BUB1: variants seen among roughly 807,000 people sequenced by gnomAD.
BUB1 encodes the protein BUB1 mitotic checkpoint serine/threonine kinase.
Under a neutral mutation model 135.2 loss-of-function variants are expected in BUB1, and 84 were observed. The ratio of observed to expected loss-of-function variants is 0.62; its 90% CI spans 0.52 to 0.74. The LOEUF is 0.74. BUB1 is among the 30% of genes least tolerant of loss of function. The pLI is 0.00. For synonymous variants in BUB1, 403 were observed against 434.4 expected (o/e 0.93, Z 0.90); for missense variants, 1,162 against 1,288.3 (o/e 0.90, Z 1.50).
At position 110,650,730 on chromosome 2, in the gene BUB1, T is replaced by C. The variant is rs1486290439; in HGVS notation, c.2019A>G (p.Ala673=). 6.2e-7 allele frequency: 1 copy of C among 1,614,022 alleles called. No homozygotes were observed. Among genetic ancestry groups the C allele is most frequent in the South Asian group, 1.1e-5 (1 of 91,080 alleles). The change falls in exon 18 of 25, where the codon GCA becomes GCG. Residue 673 remains alanine, a synonymous_variant. Transcript: ENST00000302759. ...KQALSSHMYS[A]SLLRLSQPAA... ...CAGGCTGGCTCAGACGAAGTAAGGA[T>C]GCTGAATACATGTGAGACGACAAGG...
chr2:110,661,858 A>G lies in BUB1; in HGVS notation c.958-17T>C, dbSNP rs372481313. 382 of 1,609,292 alleles carry G rather than the reference A, an allele frequency of 2.4e-4. No individual in the cohort carries two copies. Among genetic ancestry groups the G allele is most frequent in the Non-Finnish European group, 3.2e-4 (373 of 1,177,490 alleles). On this transcript the variant is annotated splice_polypyrimidine_tract_variant and intron_variant, in intron 9 of 24. Transcript: ENST00000302759. ...TGGATTAACCTTTCATATTAAACAA[A>G]CAAACAACAAAAACAAAACCATGAA... is the stretch of plus-strand genomic sequence containing the variant.
intron 6 of BUB1, among the ~76,000 whole-genome samples, chr2:110,668,826 T>G (rs959902651): frequency 3.3e-5 from 5 of 152,216 alleles, no homozygotes; most frequent in African/African-American, 1.2e-4. Flanking sequence ...GCATCTGCTA[T>G]CTGTTGAAAT....
At position 110,641,059 on chromosome 2, in the gene BUB1, A is replaced by G; in HGVS notation, c.2930T>C (p.Leu977Pro). The change falls in exon 23 of 25, where the codon CTC becomes CCC. Residue 977 changes from leucine to proline, a missense_variant. By Grantham distance (98) the Leu-to-Pro change is moderately conservative (BLOSUM62 -3). Transcript: ENST00000302759. The stretch of plus-strand genomic sequence containing the variant: ...CTGGTAGTTCCATGGTTTGTTGCTG[A>G]GCATCTCAACACACTGAAAACCAGA... ...ETSGFQCVEM[L>P]SNKPWNYQID... is the part of the protein sequence containing the mutation. The G allele has an allele frequency of 6.3e-7, 1 of 1,593,350 alleles. No homozygotes were observed. Among genetic ancestry groups the G allele is most frequent in the Non-Finnish European group, 8.5e-7 (1 of 1,172,436 alleles).
At chr2:110,658,163 C>T (rs1173363179) in intron 13 of BUB1, among the ~76,000 whole-genome samples, 3 of 152,094 alleles carry the variant, frequency 2.0e-5, no homozygotes, top group Non-Finnish European at 4.4e-5. Context: ...AGTACTCAGC[C>T]CTTCTTATCC....
chr2:110,659,850 A>C, intron 11 of BUB1, 128 bp downstream of exon 11: 1 of 579,734 alleles, frequency 1.7e-6, no homozygotes, highest in East Asian at 3.3e-5. Context: ...CCTATACTCT[A>C]AGAATAGGAA....
At chr2:110,665,618 T>C (rs909226162) in intron 9 of BUB1, among the ~76,000 whole-genome samples, 1 of 151,422 alleles carries the variant, frequency 6.6e-6, no homozygotes, top group Non-Finnish European at 1.5e-5. Flanking sequence ...CATACATACA[T>C]ACATATATAC....
Position 110,657,449 on chromosome 2 carries a change from T to C in BUB1, c.1616+97A>G, listed in dbSNP as rs1689962752. The stretch of plus-strand genomic sequence containing the variant: ...TGTGGTCAAAAGGCTCATTTGACCA[T>C]GTGATTGGCAGTTCACATTCTCTCC... On this transcript the variant is annotated intron_variant, in intron 14 of 24. Coordinates refer to ENST00000302759, the MANE Select transcript of BUB1 (RefSeq NM_004336.5). 8 of 849,202 alleles carry C rather than the reference T, an allele frequency of 9.4e-6. No individual in the cohort carries two copies. The East Asian group carries it at 2.3e-4, about 24-fold the overall frequency. The allele number at this position is 849,202 out of a possible 1,614,324, so 52.6% of individuals were successfully genotyped here.
In BUB1 at chr2:110,637,703, G is replaced by C. The variant is rs1478814016; in HGVS notation, c.*261C>G. 1 of 279,280 alleles carries C rather than the reference G, an allele frequency of 3.6e-6. No individual in the cohort carries two copies. The highest frequency in any genetic ancestry group is 6.6e-6 in the Non-Finnish European group (1 of 152,180). 17.3% of individuals were successfully genotyped at this position (279,280 alleles called of 1,614,324 possible). A position where few individuals can be genotyped will look rare whatever the true frequency, so the allele number is the denominator to read the frequency against. ...TTAAACAGGTCAGTGTTTAAAAAGT[G>C]ATTTCTAGAGAATGCTCATGTCTGA... is the stretch of plus-strand genomic sequence containing the variant. On this transcript the variant is annotated 3_prime_UTR_variant, in exon 25 of 25. Coordinates refer to ENST00000302759, the MANE Select transcript of BUB1 (RefSeq NM_004336.5).
chr2:110,657,677 T>C (rs753998925), intron 13 of BUB1, 32 bp from the exon 14 acceptor site: 9 of 1,462,488 alleles, frequency 6.2e-6, no homozygotes, highest in Non-Finnish European at 8.3e-6. Flanking sequence ...CATCTAATTA[T>C]TGTACTAGGA....
intron 5 of BUB1, among the ~76,000 whole-genome samples, chr2:110,669,848 G>T (rs1690368490): frequency 6.6e-6 from 1 of 151,988 alleles, no homozygotes; most frequent in South Asian, 2.1e-4. Flanking sequence ...TTAGTTCTAA[G>T]AAAAAGAAAT....
At chr2:110,663,212 G>A (rs903656195) in intron 9 of BUB1, among the ~76,000 whole-genome samples, 21 of 152,206 alleles carry the variant, frequency 1.4e-4, no homozygotes, top group Non-Finnish European at 2.9e-5. Flanking sequence ...CCCAGGAAGC[G>A]GAGGTTGCAG....
chr2:110,639,092 A>T (rs1689432385), intron 24 of BUB1, among the ~76,000 whole-genome samples: 1 of 152,162 alleles, frequency 6.6e-6, no homozygotes, highest in African/African-American at 2.4e-5. Context: ...AGTATAAGTG[A>T]TATAATGAAT....
At chr2:110,638,338 G>A (rs2104510912) in intron 24 of BUB1, among the ~76,000 whole-genome samples, 179 bp from the exon 25 acceptor site, 1 of 152,216 alleles carries the variant, frequency 6.6e-6, no homozygotes, top group South Asian at 2.1e-4. Flanking sequence ...AGAGATTAAA[G>A]ACCCAATTAA....
Position 110,670,344 on chromosome 2 carries a change from G to A in BUB1, c.466+181C>T, listed in dbSNP as rs532485276. ...GTAGAGATGGGGTTTCACCATGTTGGCCAGGCTGGTCTCGAACTCCTGACC... is the reference window on the plus strand; with the variant it reads ...GTAGAGATGGGGTTTCACCATGTTGACCAGGCTGGTCTCGAACTCCTGACC... On this transcript the variant is annotated intron_variant, in intron 5 of 24. Transcript: ENST00000302759. Among the ~76,000 whole-genome samples, 4 of 152,014 alleles carry A rather than the reference G, an allele frequency of 2.6e-5. No individual in the cohort carries two copies. In the South Asian group the frequency reaches 6.2e-4, roughly 24 times the overall value.
intron 13 of BUB1, 78 bp from the exon 14 acceptor site, chr2:110,657,723 AAGAAAAAGGACTAACAGCTGAC>A: frequency 9.8e-7 from 1 of 1,020,096 alleles, no homozygotes; most frequent in East Asian, 2.7e-5. Context: ...AACTACAAAT[AAGAAAAAGGACTAACAGCTGAC>A]AGAAAAGAAC....
intron 19 of BUB1, among the ~76,000 whole-genome samples, chr2:110,644,684 A>G (rs1335692316): frequency 6.6e-6 from 1 of 152,154 alleles, no homozygotes; most frequent in Non-Finnish European, 1.5e-5. Flanking sequence ...CATCTTACCT[A>G]TAGAGGAGCA....
chr2:110,650,410 G>T, intron 18 of BUB1, 136 bp downstream of exon 18: 1 of 735,908 alleles, frequency 1.4e-6, no homozygotes, highest in Non-Finnish European at 2.2e-6. Context: ...GATGCATTAT[G>T]CAAGTTTCAT....
intron 22 of BUB1, 26 bp downstream of exon 22, chr2:110,641,281 A>G (rs1336306396): frequency 6.3e-7 from 1 of 1,592,974 alleles, no homozygotes; most frequent in South Asian, 1.1e-5. Context: ...GGAAGAGAAG[A>G]ACCCTGTTAA....
At chr2:110,675,675 G>A (rs1690558575) in intron 1 of BUB1, among the ~76,000 whole-genome samples, 1 of 151,530 alleles carries the variant, frequency 6.6e-6, no homozygotes, top group African/African-American at 2.4e-5. Flanking sequence ...TTTTAGAGAT[G>A]GAATCTTGCT....
Sources: allele counts gnomAD v4.1 joint callset (sites outside exome capture counted in the v4.1 genomes callset), GRCh38; gene constraint gnomAD v4.1.1; transcripts MANE v1.5; gene names NCBI Gene and HGNC (gene_info 2026-07-23, HGNC 2026-07-21).